RTL4: variants seen among roughly 807,000 people sequenced by gnomAD.
RTL4 encodes the protein retrotransposon Gag-like protein 4.
Under a neutral mutation model 5.3 loss-of-function variants are expected in RTL4, and 4 were observed. That is an observed-to-expected ratio of 0.75 (90% CI 0.37 to 1.72). The LOEUF (loss-of-function observed/expected upper bound fraction) is 1.72, where lower values mean the gene tolerates loss of function less well. Ranked by LOEUF, RTL4 falls within the 40% of genes most tolerant of loss-of-function variation. RTL4 has a pLI of 0.04. For synonymous variants in RTL4, 98 were observed against 87.3 expected (o/e 1.12, Z -0.68); for missense variants, 260 against 227.1 (o/e 1.14, Z -0.93).
At chrX:112,103,232 A>G in the RTL4 span, among the ~76,000 whole-genome samples, 1 of 111,905 alleles carries the variant, frequency 8.9e-6, no homozygotes, top group Non-Finnish European at 1.9e-5. Context: ...TACATATACT[A>G]TGCAGCCATA....
chrX:112,404,737 T>C, the RTL4 span, among the ~76,000 whole-genome samples: 1 of 112,967 alleles, frequency 8.9e-6, no homozygotes, highest in Non-Finnish European at 1.9e-5. Context: ...ATTCTAGTCA[T>C]AGCTTTGCAC....
chrX:112,317,746 T>C, the RTL4 span, among the ~76,000 whole-genome samples: 1 of 111,815 alleles, frequency 8.9e-6, no homozygotes, highest in African/African-American at 3.3e-5. Flanking sequence ...CACTTTTACA[T>C]CCATCTTATA....
chrX:112,334,733 T>C, the RTL4 span, among the ~76,000 whole-genome samples: 1 of 112,145 alleles, frequency 8.9e-6, no homozygotes, highest in South Asian at 3.7e-4. Flanking sequence ...TTGATATTTG[T>C]TTTCTCATGT....
At chrX:112,128,900 G>T in the RTL4 span, among the ~76,000 whole-genome samples, 8 of 111,160 alleles carry the variant, frequency 7.2e-5, no homozygotes, top group South Asian at 7.5e-4. Flanking sequence ...AAATGTAAAA[G>T]ATAGCCTACT....
chrX:112,189,409 G>A, the RTL4 span, among the ~76,000 whole-genome samples: 3 of 111,755 alleles, frequency 2.7e-5, no homozygotes, highest in Admixed American at 2.9e-4. Flanking sequence ...AATAAAATAA[G>A]CAATAATAAC....
chrX:112,341,659 AT>A, the RTL4 span, among the ~76,000 whole-genome samples: 2 of 112,031 alleles, frequency 1.8e-5, no homozygotes, highest in Non-Finnish European at 3.8e-5. Flanking sequence ...ACATAAAAAA[AT>A]AGCTCTCTTA....
chrX:112,427,794 T>C, the RTL4 span, among the ~76,000 whole-genome samples: 1 of 111,243 alleles, frequency 9.0e-6, no homozygotes, highest in Admixed American at 9.6e-5. Flanking sequence ...TTTCAGTAGT[T>C]TCTGTGGTAC....
chrX:112,441,005 G>T, the RTL4 span, among the ~76,000 whole-genome samples: 1 of 111,406 alleles, frequency 9.0e-6, no homozygotes, highest in African/African-American at 3.3e-5. Context: ...AGGTGAAAGG[G>T]CAGAGAACAG....
the RTL4 span, among the ~76,000 whole-genome samples, chrX:112,142,558 C>A: frequency 8.9e-6 from 1 of 111,777 alleles, no homozygotes; most frequent in South Asian, 3.8e-4. Flanking sequence ...TGAACAATTG[C>A]CTAGGTTGGC....
chrX:112,189,146 C>A, the RTL4 span, among the ~76,000 whole-genome samples: 2 of 111,140 alleles, frequency 1.8e-5, no homozygotes, highest in East Asian at 2.8e-4. Context: ...ATAATCCCAG[C>A]AGTTTGGGAG....
the RTL4 span, among the ~76,000 whole-genome samples, chrX:112,258,938 AC>A: frequency 3.5e-4 from 39 of 111,474 alleles, no homozygotes; most frequent in African/African-American, 1.2e-3. Context: ...GTTTCCTGGC[AC>A]ATTTTAAATA....
the RTL4 span, among the ~76,000 whole-genome samples, chrX:112,393,263 T>TCC: frequency 1.9e-5 from 2 of 103,473 alleles, no homozygotes; most frequent in South Asian, 1.0e-3. Context: ...AACCTCCGCC[T>TCC]CCCGGGTTCA....
the RTL4 span, among the ~76,000 whole-genome samples, chrX:112,271,049 GAAAAAAA>G: frequency 1.5e-4 from 9 of 60,865 alleles, no homozygotes; most frequent in African/African-American, 4.9e-4. Context: ...CCTGGAGACA[GAAAAAAA>G]AAAAAAAAAA....
the RTL4 span, among the ~76,000 whole-genome samples, chrX:112,091,073 T>G: frequency 9.0e-6 from 1 of 111,631 alleles, no homozygotes; most frequent in South Asian, 3.7e-4. Context: ...ATGATTATTT[T>G]TATTTCTTTA....
the RTL4 span, among the ~76,000 whole-genome samples, chrX:112,217,250 C>G: frequency 4.5e-5 from 5 of 111,478 alleles, no homozygotes; most frequent in Admixed American, 4.8e-4. Flanking sequence ...AGGCAGTGTC[C>G]TGAGTGTTCT....
chrX:112,134,402 T>C, the RTL4 span, among the ~76,000 whole-genome samples: 2 of 112,334 alleles, frequency 1.8e-5, no homozygotes, highest in African/African-American at 6.5e-5. Context: ...ACTCCCATGA[T>C]TTTAAGAAAA....
the RTL4 span, among the ~76,000 whole-genome samples, chrX:112,239,168 C>T: frequency 9.0e-6 from 1 of 111,133 alleles, no homozygotes; most frequent in African/African-American, 3.3e-5. Flanking sequence ...TTTTGGTTTC[C>T]TCCCTGGCCT....
At chrX:112,235,659 A>T in the RTL4 span, among the ~76,000 whole-genome samples, 1 of 111,992 alleles carries the variant, frequency 8.9e-6, no homozygotes, top group South Asian at 3.7e-4. Context: ...GTTGTATCTA[A>T]TAAAAATGCT....
At chrX:112,379,203 T>C in the RTL4 span, among the ~76,000 whole-genome samples, 109 of 112,521 alleles carry the variant, frequency 9.7e-4, no homozygotes, top group African/African-American at 3.3e-3. Context: ...GTGCAGCTTT[T>C]TGAAAGTGAT....
Sources: allele counts gnomAD v4.1 joint callset (sites outside exome capture counted in the v4.1 genomes callset), GRCh38; gene constraint gnomAD v4.1.1; transcripts MANE v1.5; gene names NCBI Gene and HGNC (gene_info 2026-07-23, HGNC 2026-07-21).